Variants in PRPSAP2 observed in about 807,000 individuals in gnomAD.
PRPSAP2 encodes the protein phosphoribosyl pyrophosphate synthetase associated protein 2.
In PRPSAP2, 24 loss-of-function variants were observed where a neutral mutation model predicts 40.6. That is an observed-to-expected ratio of 0.59 (90% CI 0.43 to 0.83). The LOEUF is 0.83. Ranked by LOEUF, PRPSAP2 falls within the 40% of genes least tolerant of loss-of-function variation. The probability of loss-of-function intolerance (pLI) is 0.00; values close to 1 mark genes in which losing one functional copy is unlikely to be tolerated. For missense variants in PRPSAP2, 292 were observed against 465.6 expected (o/e 0.63, Z 3.43); for synonymous variants, 149 against 164.7 (o/e 0.90, Z 0.73).
chr17:18,923,256 A>ATTTTTTTTTTTTT (rs34975526), intron 9 of PRPSAP2, among the ~76,000 whole-genome samples: 45 of 105,398 alleles, frequency 4.3e-4, no homozygotes, highest in Admixed American at 5.3e-4. Flanking sequence ...CACTTGGCTA[A>ATTTTTTTTTTTTT]TTTTTTTTTT....
intron 5 of PRPSAP2, among the ~76,000 whole-genome samples, chr17:18,875,581 A>AC (rs368993095): frequency 1.3e-5 from 2 of 151,000 alleles, no homozygotes; most frequent in Non-Finnish European, 3.0e-5. Context: ...AAAAAAAAAA[A>AC]GGCTGGGCGA....
chr17:18,898,255 C>G (rs1271005712), intron 8 of PRPSAP2, among the ~76,000 whole-genome samples: 1 of 152,004 alleles, frequency 6.6e-6, no homozygotes, highest in Non-Finnish European at 1.5e-5. Context: ...CCGCGGCCTC[C>G]CAAAGTGCTG....
rs2040929688 is a variant in PRPSAP2 at position 18,911,050 on chromosome 17, G to A, written c.585-53G>A. ...TTAATGTTTTGTCCCCTAGGCATTA[G>A]CAGAACCAAGGGCTGCATGAGTTTT... is the stretch of plus-strand genomic sequence containing the variant. On this transcript the variant is annotated intron_variant, in intron 8 of 11. Coordinates refer to ENST00000268835, the MANE Select transcript of PRPSAP2 (RefSeq NM_002767.4). The surrounding 1 kb of genome is among the most constrained non-coding windows in gnomAD (Gnocchi z 4.5). 2 of 1,535,778 alleles carry A rather than the reference G, an allele frequency of 1.3e-6. No homozygotes were observed. The highest frequency in any genetic ancestry group is 1.8e-6 in the Non-Finnish European group (2 of 1,135,240).
intron 8 of PRPSAP2, among the ~76,000 whole-genome samples, chr17:18,894,704 T>TG (rs1185953691): frequency 2.6e-5 from 4 of 152,020 alleles, no homozygotes; most frequent in Admixed American, 6.6e-5. Context: ...AGGCCAGTCT[T>TG]GAACTCCTGA....
chr17:18,923,793 G>T, intron 9 of PRPSAP2, 121 bp from the exon 10 acceptor site: 1 of 914,120 alleles, frequency 1.1e-6, no homozygotes. Flanking sequence ...TAATCAGATT[G>T]AGGAAATTCC....
chr17:18,918,936 T>C (rs2041528412), intron 9 of PRPSAP2, among the ~76,000 whole-genome samples: 1 of 152,222 alleles, frequency 6.6e-6, no homozygotes, highest in Admixed American at 6.5e-5. Flanking sequence ...TTACCTTTTT[T>C]TGTGCTTTTG....
chr17:18,856,898 G>A (rs1003127722), upstream of PRPSAP2, among the ~76,000 whole-genome samples: 4 of 152,014 alleles, frequency 2.6e-5, no homozygotes, highest in Admixed American at 1.3e-4. Flanking sequence ...CTTAAAAGAG[G>A]ACCATGTGTT....
rs1382681824 is a variant in PRPSAP2, at chr17:18,893,600, A to AC, written c.584+3723_584+3724insC. Among the ~76,000 whole-genome samples, 3 of 151,332 alleles carry AC rather than the reference A, an allele frequency of 2.0e-5. No homozygotes were observed. The East Asian group carries it at 5.8e-4, about 29-fold the overall frequency. Reference sequence around the variant, plus strand: ...TGAGACCTCGTTTTTAAGAAAAAAAAAAACATTAACTGGATGTGGTGGCAT... The same window carrying AC: ...TGAGACCTCGTTTTTAAGAAAAAAAACAAACATTAACTGGATGTGGTGGCAT... On this transcript the variant is annotated intron_variant, in intron 8 of 11. Coordinates refer to ENST00000268835, the MANE Select transcript of PRPSAP2 (RefSeq NM_002767.4).
intron 9 of PRPSAP2, among the ~76,000 whole-genome samples, chr17:18,922,022 T>C (rs2041714216): frequency 6.6e-6 from 1 of 152,186 alleles, no homozygotes; most frequent in Non-Finnish European, 1.5e-5. Context: ...CTTACCTCTT[T>C]TCTGTTTCTG....
At chr17:18,897,511 G>C (rs2039983994) in intron 8 of PRPSAP2, among the ~76,000 whole-genome samples, 1 of 149,718 alleles carries the variant, frequency 6.7e-6, no homozygotes, top group Non-Finnish European at 1.5e-5. Context: ...ACTTAGGCTG[G>C]AGTGCAATGG....
chr17:18,871,079 G>A (rs1488438622), intron 4 of PRPSAP2, among the ~76,000 whole-genome samples: 1 of 151,932 alleles, frequency 6.6e-6, no homozygotes, highest in African/African-American at 2.4e-5. Flanking sequence ...GAGTGCAGTG[G>A]TGCGATCTTG....
At chr17:18,875,391 C>T (rs1391301191) in intron 5 of PRPSAP2, among the ~76,000 whole-genome samples, 2 of 152,046 alleles carry the variant, frequency 1.3e-5, no homozygotes, top group Non-Finnish European at 2.9e-5. Context: ...CGGTGAAACC[C>T]TGTCTTTACT....
intron 9 of PRPSAP2, among the ~76,000 whole-genome samples, chr17:18,917,757 G>T (rs1271523621): frequency 2.0e-5 from 3 of 151,428 alleles, no homozygotes; most frequent in Admixed American, 2.0e-4. Flanking sequence ...AGAGGAGGAG[G>T]GAGGGGACTG....
intron 5 of PRPSAP2, among the ~76,000 whole-genome samples, chr17:18,876,981 G>A (rs1178484549): frequency 6.6e-6 from 1 of 152,144 alleles, no homozygotes; most frequent in East Asian, 1.9e-4. Context: ...ATGAAGCTGT[G>A]AAATTAGATG....
At chr17:18,917,605 T>TTA (rs1567744729) in intron 9 of PRPSAP2, 7 of 115,148 alleles carry the variant, frequency 6.1e-5, no homozygotes, top group Admixed American at 4.8e-4. Context: ...TTTTTTTTTT[T>TTA]TTTTTTTTTT....
At chr17:18,896,759 C>G (rs1267208406) in intron 8 of PRPSAP2, among the ~76,000 whole-genome samples, 1 of 151,956 alleles carries the variant, frequency 6.6e-6, no homozygotes, top group Non-Finnish European at 1.5e-5. Flanking sequence ...CAGCAAGCTG[C>G]CAGATAGGCA....
At chr17:18,902,401 T>C (rs924174133) in intron 8 of PRPSAP2, among the ~76,000 whole-genome samples, 2 of 152,202 alleles carry the variant, frequency 1.3e-5, no homozygotes, top group Non-Finnish European at 2.9e-5. Flanking sequence ...ATTTGATCTT[T>C]GCAACTTTGG....
intron 8 of PRPSAP2, chr17:18,904,184 A>G (rs900917435): frequency 2.0e-5 from 3 of 152,188 alleles, no homozygotes; most frequent in African/African-American, 4.8e-5. Flanking sequence ...CAGAGTTAAT[A>G]AGCATCAAAG....
At chr17:18,893,649 G>A (rs2151928820) in intron 8 of PRPSAP2, among the ~76,000 whole-genome samples, 1 of 152,090 alleles carries the variant, frequency 6.6e-6, no homozygotes, top group African/African-American at 2.4e-5. Context: ...TAGCTACTTG[G>A]GTGGCTGAGG....
Sources: allele counts gnomAD v4.1 joint callset (sites outside exome capture counted in the v4.1 genomes callset), GRCh38; gene constraint gnomAD v4.1.1; non-coding constraint Gnocchi (gnomAD v3.1); transcripts MANE v1.5; gene names NCBI Gene and HGNC (gene_info 2026-07-23, HGNC 2026-07-21).